The following MAP3K13 variants were observed in gnomAD, a reference collection of about 807,000 sequenced individuals.
The protein encoded by MAP3K13 is mitogen-activated protein kinase kinase kinase 13.
A neutral mutation model predicts 104.0 loss-of-function variants in MAP3K13; 52 were observed. That is an observed-to-expected ratio of 0.50 (90% CI 0.40 to 0.63). MAP3K13 has a LOEUF of 0.63. MAP3K13 is among the 20% of genes least tolerant of loss of function. The pLI, the probability that MAP3K13 is intolerant of heterozygous loss-of-function variation, is 0.00. For synonymous variants in MAP3K13, 394 were observed against 442.2 expected (o/e 0.89, Z 1.37); for missense variants, 914 against 1,218.5 (o/e 0.75, Z 3.72).
At chr3:185,395,357 C>CTTT (rs770336517) in intron 1 of MAP3K13, among the ~76,000 whole-genome samples, 12 of 69,974 alleles carry the variant, frequency 1.7e-4, no homozygotes, top group South Asian at 5.7e-4. Flanking sequence ...AATATTATTT[C>CTTT]TTTTTTTTTT....
intron 3 of MAP3K13, among the ~76,000 whole-genome samples, chr3:185,438,970 G>A (rs1715185826): frequency 6.6e-6 from 1 of 152,180 alleles, no homozygotes; most frequent in Admixed American, 6.5e-5. Context: ...AAACTAGGAG[G>A]AACTAGGATC....
At chr3:185,479,316 GAGA>G (rs1354560903) in intron 12 of MAP3K13, among the ~76,000 whole-genome samples, 1 of 152,222 alleles carries the variant, frequency 6.6e-6, no homozygotes, top group Admixed American at 6.5e-5. Context: ...ATGGAGGTTA[GAGA>G]AGGACACTGA....
At chr3:185,470,983 G>T (rs1232800484) in intron 10 of MAP3K13, among the ~76,000 whole-genome samples, 1 of 152,102 alleles carries the variant, frequency 6.6e-6, no homozygotes, top group Non-Finnish European at 1.5e-5. Flanking sequence ...AGAAAAAATG[G>T]ATGCCCTTTA....
At chr3:185,365,355 A>T (rs1560067154) in intron 1 of MAP3K13, among the ~76,000 whole-genome samples, 1 of 152,224 alleles carries the variant, frequency 6.6e-6, no homozygotes, top group Non-Finnish European at 1.5e-5. Context: ...AGTAGGAATT[A>T]ATTTATTTAG....
intron 1 of MAP3K13, among the ~76,000 whole-genome samples, chr3:185,370,798 T>C (rs1724119160): frequency 6.7e-6 from 1 of 149,800 alleles, no homozygotes; most frequent in South Asian, 2.1e-4. Context: ...TGATCTGGGC[T>C]AATAGGGGAT....
At chr3:185,289,975 A>G (rs893799177) in intron 2 of MAP3K13, among the ~76,000 whole-genome samples, 8 of 152,184 alleles carry the variant, frequency 5.3e-5, no homozygotes, top group South Asian at 2.1e-4. Flanking sequence ...CAGTCTATTA[A>G]TTAAGTTTTA....
intron 1 of MAP3K13, among the ~76,000 whole-genome samples, chr3:185,376,502 C>T (rs889204974): frequency 4.6e-5 from 7 of 152,026 alleles, no homozygotes; most frequent in African/African-American, 7.2e-5. Flanking sequence ...GTGAGAACTC[C>T]GACCACACAG....
intron 8 of MAP3K13, among the ~76,000 whole-genome samples, chr3:185,464,241 T>C (rs1345530388): frequency 6.6e-6 from 1 of 152,182 alleles, no homozygotes; most frequent in Non-Finnish European, 1.5e-5. Context: ...TGAGCCCAGA[T>C]TGTGCCACTG....
upstream of MAP3K13, among the ~76,000 whole-genome samples, chr3:185,361,098 A>ATGTG (rs34760922): frequency 7.2e-3 from 1,051 of 146,680 alleles, 16 homozygotes; most frequent in African/African-American, 0.025. Flanking sequence ...ATATATATAT[A>ATGTG]TGTGTGTGTG....
chr3:185,450,019 C>T lies in MAP3K13; in HGVS notation c.1130C>T (p.Thr377Ile). The change falls in exon 6 of 14, where the codon ACT (threonine) becomes ATT (isoleucine). Residue 377 changes from threonine (T) to isoleucine (I), a missense_variant. By Grantham distance (89) the Thr-to-Ile change is moderately conservative. Transcript: ENST00000265026. This position sits in a 1 kb window ranked among gnomAD's most constrained non-coding sequence, Gnocchi z 4.2. The part of the protein sequence containing the change: ...SNSLHLPVPS[T>I]CPDGFKILMK... The stretch of plus-strand genomic sequence containing the variant: ...AGCCTCCACCTTCCAGTTCCTTCCA[C>T]TTGCCCTGATGGATTCAAAATCCTT... 1 of 1,613,194 alleles carries T rather than the reference C, an allele frequency of 6.2e-7. No homozygotes were observed. The highest frequency in any genetic ancestry group is 8.5e-7 in the Non-Finnish European group (1 of 1,179,670).
intron 7 of MAP3K13, 48 bp downstream of exon 7, chr3:185,451,443 T>A (rs1481093173): frequency 7.9e-7 from 1 of 1,258,272 alleles, no homozygotes; most frequent in Admixed American, 1.7e-5. Flanking sequence ...GATAGAGAAC[T>A]CTCAATGAAA....
chr3:185,334,957 T>A (rs1263576135), intron 2 of MAP3K13, among the ~76,000 whole-genome samples: 1 of 151,766 alleles, frequency 6.6e-6, no homozygotes, highest in Admixed American at 6.6e-5. Flanking sequence ...CCTCTCTCAC[T>A]CTACACAAAA....
intron 2 of MAP3K13, among the ~76,000 whole-genome samples, chr3:185,301,116 T>A (rs13089712): frequency 7.2e-5 from 10 of 138,992 alleles, no homozygotes; most frequent in Admixed American, 2.2e-4. Context: ...ACTTATTATT[T>A]TTATTTATTT....
intron 7 of MAP3K13, among the ~76,000 whole-genome samples, chr3:185,455,799 G>GAT (rs1376292379): frequency 1.4e-3 from 74 of 52,432 alleles, no homozygotes; most frequent in African/African-American, 4.6e-3. Context: ...ATATATATGA[G>GAT]ATATATGAGA....
chr3:185,416,389 G>GT (rs1259100556), intron 1 of MAP3K13, among the ~76,000 whole-genome samples: 2 of 151,400 alleles, frequency 1.3e-5, no homozygotes, highest in South Asian at 2.1e-4. Flanking sequence ...GGGTAAATGT[G>GT]TTTTTTTATA....
intron 7 of MAP3K13, among the ~76,000 whole-genome samples, chr3:185,454,856 C>CATATATATATGAGATATATAT (rs1560117680): frequency 1.1e-4 from 2 of 18,580 alleles, no homozygotes; most frequent in African/African-American, 2.5e-4. Context: ...GAGATATATA[C>CATATATATATGAGATATATAT]ATGATATATA....
intron 2 of MAP3K13, among the ~76,000 whole-genome samples, chr3:185,298,307 C>T (rs1720987489): frequency 6.6e-6 from 1 of 151,736 alleles, no homozygotes; most frequent in African/African-American, 2.4e-5. Context: ...GAACCATAGA[C>T]TTAGGGAAAT....
At position 185,418,118 on chromosome 3, in the gene MAP3K13, A is replaced by G; in HGVS notation, c.-85-10379A>G. The G allele has an allele frequency of 6.2e-7, 1 of 1,609,696 alleles. No individual in the cohort carries two copies. The highest frequency in any genetic ancestry group is 8.5e-7 in the Non-Finnish European group (1 of 1,177,680). On this transcript the variant is annotated intron_variant, in intron 1 of 13. Transcript: ENST00000265026. This position sits in a 1 kb window ranked among gnomAD's most constrained non-coding sequence, Gnocchi z 4.5. ...AGAGTAATTCCAGGGATGTTTCTGA[A>G]GGCCTTGATGATACCATTATCCTCA...
intron 4 of MAP3K13, among the ~76,000 whole-genome samples, chr3:185,445,061 C>T (rs1715523821): frequency 1.2e-5 from 1 of 82,688 alleles, no homozygotes; most frequent in African/African-American, 3.3e-5. Context: ...ATAGTGTTTT[C>T]ATGGTTTATA....
Sources: gnomAD v4.1 joint callset for allele counts (sites outside exome capture counted in the v4.1 genomes callset) on GRCh38, gnomAD v4.1.1 for gene constraint, Gnocchi (gnomAD v3.1) non-coding constraint, MANE v1.5 for transcripts, NCBI Gene and HGNC (gene_info 2026-07-23, HGNC 2026-07-21) for gene names.